Variants in TAS2R1 observed in about 807,000 individuals in gnomAD.
TAS2R1 encodes taste receptor type 2 member 1.
For missense variants in TAS2R1, 370 were observed against 353.4 expected (o/e 1.05, Z -0.38); for synonymous variants, 141 against 134.2 (o/e 1.05, Z -0.35).
chr5:9,692,365 G>A (rs576776921), intron 1 of TAS2R1, among the ~76,000 whole-genome samples: 125 of 152,156 alleles, frequency 8.2e-4, no homozygotes, highest in Non-Finnish European at 1.3e-3. Flanking sequence ...TTTCAACCAT[G>A]TGCTACACAA....
chr5:9,727,642 G>A, the TAS2R1 span, among the ~76,000 whole-genome samples: 1 of 152,214 alleles, frequency 6.6e-6, no homozygotes, highest in African/African-American at 2.4e-5. Flanking sequence ...GGGTGGCACT[G>A]GTGTCCAACC....
chr5:9,816,771 G>A, the TAS2R1 span, among the ~76,000 whole-genome samples: 3 of 152,064 alleles, frequency 2.0e-5, no homozygotes, highest in Non-Finnish European at 4.4e-5. Context: ...GGCAGTTGAT[G>A]ATTCTAATAA....
intron 1 of TAS2R1, among the ~76,000 whole-genome samples, chr5:9,670,297 G>T (rs1346717891): frequency 6.6e-6 from 1 of 152,114 alleles, no homozygotes; most frequent in East Asian, 1.9e-4. Context: ...TGGCCTAAAG[G>T]GTTCTCTGTT....
chr5:9,643,409 A>G (rs1740124755), intron 2 of TAS2R1, among the ~76,000 whole-genome samples: 1 of 152,218 alleles, frequency 6.6e-6, no homozygotes, highest in African/African-American at 2.4e-5. Context: ...CAGTAAAAAT[A>G]GGGTACAAAA....
chr5:9,751,442 C>G, the TAS2R1 span, among the ~76,000 whole-genome samples: 1 of 152,096 alleles, frequency 6.6e-6, no homozygotes, highest in African/African-American at 2.4e-5. Flanking sequence ...AGTATAGAGA[C>G]AGCAGACAGG....
chr5:9,879,951 G>C, the TAS2R1 span, among the ~76,000 whole-genome samples: 1 of 152,130 alleles, frequency 6.6e-6, no homozygotes. Flanking sequence ...TTATGTTTCT[G>C]TGAGGACAGA....
chr5:9,642,758 T>A (rs894039819), intron 2 of TAS2R1, among the ~76,000 whole-genome samples: 1 of 152,186 alleles, frequency 6.6e-6, no homozygotes, highest in Non-Finnish European at 1.5e-5. Flanking sequence ...TGAATTTAAG[T>A]CTTCCACATA....
At chr5:9,789,380 C>T in the TAS2R1 span, among the ~76,000 whole-genome samples, 8 of 152,242 alleles carry the variant, frequency 5.3e-5, no homozygotes, top group East Asian at 1.9e-4. Context: ...CCTTGACGTG[C>T]GCAGATCCTT....
the TAS2R1 span, among the ~76,000 whole-genome samples, chr5:9,724,628 G>A: frequency 2.6e-5 from 4 of 152,032 alleles, no homozygotes; most frequent in Non-Finnish European, 5.9e-5. Context: ...TGCAGATTAC[G>A]GTAATAACTG....
At chr5:9,760,564 CA>C in the TAS2R1 span, among the ~76,000 whole-genome samples, 1 of 152,158 alleles carries the variant, frequency 6.6e-6, no homozygotes, top group African/African-American at 2.4e-5. Flanking sequence ...TGTGGTCCAC[CA>C]TGTCAACAGG....
the TAS2R1 span, among the ~76,000 whole-genome samples, chr5:9,858,497 C>A: frequency 2.2e-4 from 33 of 152,274 alleles, 1 homozygote; most frequent in East Asian, 6.4e-3. Context: ...CAGGATGAAG[C>A]TTACAAACAA....
chr5:9,786,334 C>A, the TAS2R1 span, among the ~76,000 whole-genome samples: 26 of 152,186 alleles, frequency 1.7e-4, no homozygotes, highest in Admixed American at 2.6e-4. Context: ...ATGAAAGTTC[C>A]TTCACAGCAT....
the TAS2R1 span, among the ~76,000 whole-genome samples, chr5:9,807,856 C>T: frequency 6.6e-6 from 1 of 151,804 alleles, no homozygotes; most frequent in Non-Finnish European, 1.5e-5. Flanking sequence ...CCCTAAAAAC[C>T]TATTGAAATA....
chr5:9,814,329 T>C, the TAS2R1 span, among the ~76,000 whole-genome samples: 3 of 151,938 alleles, frequency 2.0e-5, no homozygotes, highest in Non-Finnish European at 2.9e-5. Flanking sequence ...GCTCACAAAA[T>C]GCTAAGAATT....
intron 1 of TAS2R1, among the ~76,000 whole-genome samples, chr5:9,663,270 A>G (rs1460707661): frequency 1.3e-5 from 2 of 152,192 alleles, no homozygotes; most frequent in African/African-American, 4.8e-5. Context: ...ACAATCTCCA[A>G]CTAAAATTGT....
the TAS2R1 span, among the ~76,000 whole-genome samples, chr5:9,896,096 C>T: frequency 6.6e-6 from 1 of 152,206 alleles, no homozygotes; most frequent in Non-Finnish European, 1.5e-5. Flanking sequence ...AACCCTTATA[C>T]AAGGTATATG....
At chr5:9,847,720 T>C in the TAS2R1 span, among the ~76,000 whole-genome samples, 9 of 152,216 alleles carry the variant, frequency 5.9e-5, no homozygotes, top group African/African-American at 2.2e-4. Flanking sequence ...GTATGCCTGA[T>C]GGTTGAGTTG....
the TAS2R1 span, among the ~76,000 whole-genome samples, chr5:9,739,936 C>T: frequency 6.6e-6 from 1 of 152,112 alleles, no homozygotes; most frequent in African/African-American, 2.4e-5. Flanking sequence ...TGAATTAGTC[C>T]TCCCAGAATT....
At chr5:9,691,360 C>A (rs1741247266) in intron 1 of TAS2R1, among the ~76,000 whole-genome samples, 2 of 152,222 alleles carry the variant, frequency 1.3e-5, no homozygotes, top group South Asian at 4.1e-4. Flanking sequence ...CCGCTGGCAC[C>A]TTCATTTCGG....
Sources: gnomAD v4.1 joint callset for allele counts (sites outside exome capture counted in the v4.1 genomes callset) on GRCh38, gnomAD v4.1.1 for gene constraint, MANE v1.5 for transcripts, NCBI Gene and HGNC (gene_info 2026-07-23, HGNC 2026-07-21) for gene names.